The following GRXCR2 variants were observed in gnomAD, a reference collection of about 807,000 sequenced individuals.
GRXCR2 encodes glutaredoxin and cysteine rich domain containing 2.
Under a neutral mutation model 24.8 loss-of-function variants are expected in GRXCR2, and 23 were observed. That is an observed-to-expected ratio of 0.93 (90% CI 0.67 to 1.32). The LOEUF is 1.32. GRXCR2 is among the 40% of genes most tolerant of loss of function. The pLI is 0.00. For synonymous variants in GRXCR2, 130 were observed against 116.1 expected, an observed-to-expected ratio of 1.12 and a Z score of -0.77; for missense variants, 315 against 303.4, an observed-to-expected ratio of 1.04 and a Z score of -0.28.
intron 2 of GRXCR2, among the ~76,000 whole-genome samples, chr5:145,881,600 T>C (rs2084629213): frequency 6.6e-6 from 1 of 152,126 alleles, no homozygotes; most frequent in African/African-American, 2.4e-5. Flanking sequence ...GGCCATGCTG[T>C]CCAAGGTAAT....
At chr5:145,897,394 C>T (rs1756966567) in intron 2 of GRXCR2, among the ~76,000 whole-genome samples, 1 of 151,806 alleles carries the variant, frequency 6.6e-6, no homozygotes, top group South Asian at 2.1e-4. Flanking sequence ...CCACTGACAG[C>T]ATTAGACAGA....
intron 2 of GRXCR2, among the ~76,000 whole-genome samples, chr5:145,903,145 C>A (rs1182487821): frequency 6.6e-6 from 1 of 152,150 alleles, no homozygotes; most frequent in Non-Finnish European, 1.5e-5. Context: ...AGGTCACAGG[C>A]TTTGAAATCA....
At chr5:145,911,059 ATAT>A (rs1757159654) in intron 2 of GRXCR2, among the ~76,000 whole-genome samples, 1 of 151,844 alleles carries the variant, frequency 6.6e-6, no homozygotes, top group Admixed American at 6.6e-5. Context: ...AAAAGGGGTT[ATAT>A]TATTTTTATT....
chr5:145,885,097 C>CTGTGTGTGTGTGTGTGTG (rs59158357), intron 2 of GRXCR2, among the ~76,000 whole-genome samples: 2 of 147,718 alleles, frequency 1.4e-5, no homozygotes, highest in African/African-American at 2.5e-5. Context: ...GTGTGTGTGT[C>CTGTGTGTGTGTGTGTGTG]TGTGTGTGTG....
chr5:145,916,303 T>A (rs924462189), intron 2 of GRXCR2, among the ~76,000 whole-genome samples: 6 of 152,116 alleles, frequency 3.9e-5, no homozygotes, highest in Admixed American at 6.6e-5. Flanking sequence ...AAAAGCTTAT[T>A]ATTAGGGGAA....
At chr5:145,882,141 A>C (rs899634253) in intron 2 of GRXCR2, among the ~76,000 whole-genome samples, 4 of 152,236 alleles carry the variant, frequency 2.6e-5, no homozygotes, top group African/African-American at 9.6e-5. Flanking sequence ...CACCAAAAGC[A>C]ATGACAACGA....
At chr5:145,916,060 C>T (rs1195188321) in intron 2 of GRXCR2, among the ~76,000 whole-genome samples, 1 of 152,144 alleles carries the variant, frequency 6.6e-6, no homozygotes, top group East Asian at 1.9e-4. Flanking sequence ...AGATGATGCT[C>T]TGCAGAGAAT....
intron 2 of GRXCR2, among the ~76,000 whole-genome samples, chr5:145,903,670 T>C (rs1218871845): frequency 6.6e-6 from 1 of 152,122 alleles, no homozygotes; most frequent in East Asian, 1.9e-4. Context: ...GAATTCTGTA[T>C]CAGGATGAAC....
intron 2 of GRXCR2, among the ~76,000 whole-genome samples, chr5:145,921,659 T>C (rs1009168186): frequency 6.6e-6 from 1 of 152,212 alleles, no homozygotes; most frequent in Non-Finnish European, 1.5e-5. Context: ...TATAATAATG[T>C]TATGAATGGC....
chr5:145,916,629 T>C (rs999747152), intron 2 of GRXCR2, among the ~76,000 whole-genome samples: 1 of 152,176 alleles, frequency 6.6e-6, no homozygotes, highest in Non-Finnish European at 1.5e-5. Flanking sequence ...TATAATCTCA[T>C]CATAAATTCA....
Position 145,858,734 on chromosome 5 carries a change from AT to A in GRXCR2, c.*998del, listed in dbSNP as rs1194585880. ...GGCTTGGGGAGTGGGTGTTAGAGCT[AT>A]AAAAGTTCATTAACAAAAGTATGTT... On this transcript the variant is annotated 3_prime_UTR_variant, in exon 3 of 3. Coordinates refer to ENST00000377976, the MANE Select transcript of GRXCR2 (RefSeq NM_001080516.2). 1 of 152,220 alleles carries A rather than the reference AT, an allele frequency of 6.6e-6. No homozygotes were observed. The highest frequency in any genetic ancestry group is 2.4e-5 in the African/African-American group (1 of 41,458). The allele number at this position is 152,220 out of a possible 1,614,324, so 9.4% of individuals were successfully genotyped here. A position where few individuals can be genotyped will look rare whatever the true frequency, so the allele number is the denominator to read the frequency against.
chr5:145,870,698 T>G (rs1175324785), intron 1 of GRXCR2, among the ~76,000 whole-genome samples: 1 of 152,224 alleles, frequency 6.6e-6, no homozygotes, highest in African/African-American at 2.4e-5. Context: ...TTTTCTTCTT[T>G]TTCATAAATA....
In GRXCR2 at chr5:145,859,462, G is replaced by T; in HGVS notation, c.*271C>A. On this transcript the variant is annotated 3_prime_UTR_variant, in exon 3 of 3. Transcript: ENST00000377976. ...CAAGAAGAAAACTGAGCTAAGTCAA[G>T]TGAGATACACTCACACCATCCTGGA... 2.1e-6 allele frequency: 1 copy of T among 468,238 alleles called. No homozygotes were observed. Among genetic ancestry groups the T allele is most frequent in the Non-Finnish European group, 3.8e-6 (1 of 263,092 alleles). The allele number at this position is 468,238 out of a possible 1,614,324, so 29.0% of individuals were successfully genotyped here.
intron 2 of GRXCR2, among the ~76,000 whole-genome samples, chr5:145,892,217 T>C (rs1045256651): frequency 6.6e-6 from 1 of 152,012 alleles, no homozygotes; most frequent in Non-Finnish European, 1.5e-5. Context: ...ACTCTAAAAA[T>C]CAGAGCGCCT....
chr5:145,894,932 T>C lies in GRXCR2; in HGVS notation c.-69-28204A>G, dbSNP rs145858924. Among the ~76,000 whole-genome samples the C allele has an allele frequency of 2.2e-3, 340 of 152,146 alleles. 6 individuals carry two copies. Among genetic ancestry groups the C allele is most frequent in the East Asian group, 0.019 (99 of 5,162 alleles). ...TCCAGCAGCCCACCAAAAAGCTTATTCACCATGATCAAGTCGTCTTCATCC... is the reference window on the plus strand; with the variant it reads ...TCCAGCAGCCCACCAAAAAGCTTATCCACCATGATCAAGTCGTCTTCATCC... On this transcript the variant is annotated intron_variant, in intron 2 of 3. Coordinates refer to the GRXCR2 transcript ENST00000639411.
intron 2 of GRXCR2, among the ~76,000 whole-genome samples, chr5:145,921,087 A>G (rs1757315279): frequency 6.6e-6 from 1 of 152,356 alleles, no homozygotes; most frequent in East Asian, 1.9e-4. Context: ...GACACTAAAC[A>G]TAAATATCTT....
intron 1 of GRXCR2, among the ~76,000 whole-genome samples, chr5:145,868,694 C>T (rs379088): frequency 0.036 from 5,405 of 152,088 alleles, 300 homozygotes; most frequent in African/African-American, 0.12. Context: ...ACTCTCAATA[C>T]GCTAAAAGAA....
intron 2 of GRXCR2, among the ~76,000 whole-genome samples, chr5:145,931,117 A>T (rs1757471462): frequency 6.6e-6 from 1 of 152,042 alleles, no homozygotes; most frequent in South Asian, 2.1e-4. Flanking sequence ...CTGCAGCCTC[A>T]ACCTCCTGGG....
chr5:145,866,465 C>T (rs1221607685), intron 2 of GRXCR2, 36 bp downstream of exon 2: 1 of 1,503,054 alleles, frequency 6.7e-7, no homozygotes, highest in East Asian at 2.3e-5. Flanking sequence ...GCTGTAGGGC[C>T]AGCTCCGAGC....
Sources: gnomAD v4.1 joint callset for allele counts (sites outside exome capture counted in the v4.1 genomes callset) on GRCh38, gnomAD v4.1.1 for gene constraint, MANE v1.5 for transcripts, NCBI Gene and HGNC (gene_info 2026-07-23, HGNC 2026-07-21) for gene names.